The following IGF1R variants were observed in gnomAD, a reference collection of about 807,000 sequenced individuals.
IGF1R encodes insulin-like growth factor 1 receptor.
In IGF1R, 44 loss-of-function variants were observed where a neutral mutation model predicts 144.6. That is an observed-to-expected ratio of 0.30 (90% CI 0.24 to 0.39). The LOEUF (loss-of-function observed/expected upper bound fraction) is 0.39, where lower values mean the gene tolerates loss of function less well. Ranked by LOEUF, IGF1R falls within the 10% of genes least tolerant of loss-of-function variation. The pLI, the probability that IGF1R is intolerant of heterozygous loss-of-function variation, is 1.00. For missense variants in IGF1R, 1,355 were observed against 1,833.7 expected (o/e 0.74, Z 4.77); for synonymous variants, 795 against 722.8 (o/e 1.10, Z -1.60).
At chr15:98,940,566 G>T (rs2016325863) in intron 18 of IGF1R, among the ~76,000 whole-genome samples, 1 of 152,124 alleles carries the variant, frequency 6.6e-6, no homozygotes, top group Admixed American at 6.5e-5. Context: ...ACCACACCCA[G>T]CTGATTTTTT....
At chr15:98,916,949 C>T in intron 10 of IGF1R, 73 bp downstream of exon 10, 1 of 1,313,944 alleles carries the variant, frequency 7.6e-7, no homozygotes, top group Non-Finnish European at 1.1e-6. Flanking sequence ...TTCTCCCCAC[C>T]AGGTAGTGTG....
intron 2 of IGF1R, among the ~76,000 whole-genome samples, chr15:98,770,241 G>T (rs1434243700): frequency 6.6e-6 from 1 of 152,164 alleles, no homozygotes; most frequent in African/African-American, 2.4e-5. Flanking sequence ...TTAGAGGAAG[G>T]CAAAAACAGA....
intron 2 of IGF1R, among the ~76,000 whole-genome samples, chr15:98,736,478 C>T (rs1471836413): frequency 6.6e-6 from 1 of 152,090 alleles, no homozygotes; most frequent in Admixed American, 6.5e-5. Context: ...GCATTAGATG[C>T]TGTCTGTTTA....
At chr15:98,798,268 T>G (rs1056882490) in intron 2 of IGF1R, among the ~76,000 whole-genome samples, 1 of 151,888 alleles carries the variant, frequency 6.6e-6, no homozygotes, top group Non-Finnish European at 1.5e-5. Context: ...AGAGAAGGTC[T>G]CTAGAGAGGT....
intron 2 of IGF1R, among the ~76,000 whole-genome samples, chr15:98,814,259 C>T (rs1401006424): frequency 1.3e-5 from 2 of 152,124 alleles, no homozygotes; most frequent in African/African-American, 4.8e-5. Flanking sequence ...AATGATACAT[C>T]ACTTTGGAGC....
rs1001350304 is a variant in IGF1R at position 98,964,394 on chromosome 15, T to G, written c.*6952T>G. ...TTATTCCTGTTATTGCGATATACTC[T>G]GGATTCTTTACATAATGGAAAAAAG... On this transcript the variant is annotated 3_prime_UTR_variant, in exon 21 of 21. Transcript: ENST00000650285. 8 of 230,462 alleles carry G rather than the reference T, an allele frequency of 3.5e-5. No individual in the cohort carries two copies. Among genetic ancestry groups the G allele is most frequent in the Non-Finnish European group, 6.9e-5 (8 of 116,176 alleles). 14.3% of individuals were successfully genotyped at this position (230,462 alleles called of 1,614,324 possible).
At position 98,902,285 on chromosome 15, in the gene IGF1R, A is replaced by AT. The variant is rs369585879; in HGVS notation, c.1247+2667dup. On this transcript the variant is annotated intron_variant, in intron 5 of 20. Transcript: ENST00000650285. ...TTGGAAACCACTGCTTTATCCCTTC[A>AT]TTTCTTCCCATGTGCATATCACAAA... Among the ~76,000 whole-genome samples the AT allele has an allele frequency of 3.9e-3, 585 of 151,368 alleles. 4 individuals are homozygous for AT. Among genetic ancestry groups the AT allele is most frequent in the African/African-American group, 0.013 (527 of 41,218 alleles).
chr15:98,656,582 C>T (rs1193784822), intron 1 of IGF1R, among the ~76,000 whole-genome samples: 2 of 151,196 alleles, frequency 1.3e-5, no homozygotes, highest in Non-Finnish European at 2.9e-5. Flanking sequence ...ATAAATTGCT[C>T]ACCTGGTAAT....
chr15:98,745,701 G>A (rs541364077), intron 2 of IGF1R, among the ~76,000 whole-genome samples: 3 of 152,274 alleles, frequency 2.0e-5, no homozygotes, highest in South Asian at 2.1e-4. Context: ...AGAAACTTCC[G>A]TTTTCTCTTT....
intron 2 of IGF1R, among the ~76,000 whole-genome samples, chr15:98,865,218 G>A (rs776924975): frequency 9.2e-5 from 14 of 152,182 alleles, no homozygotes; most frequent in Admixed American, 3.3e-4. Flanking sequence ...GGGTTATTTT[G>A]TGTTTGCAGT....
In IGF1R at chr15:98,922,437, G is replaced by T; in HGVS notation, c.2485+6G>T. 1.2e-6 allele frequency: 2 copies of T among 1,607,322 alleles called. No homozygotes were observed. On this transcript the variant is annotated splice_donor_region_variant and intron_variant, in intron 11 of 20. Coordinates refer to ENST00000650285, the MANE Select transcript of IGF1R (RefSeq NM_000875.5). ...TGCAAGGACTATGCCCGCAGGTATG[G>T]TATGATCCAGCTGGCCCCATTGCCA... is the stretch of plus-strand genomic sequence containing the variant.
intron 2 of IGF1R, among the ~76,000 whole-genome samples, chr15:98,758,979 C>G (rs899699581): frequency 2.0e-5 from 3 of 152,292 alleles, no homozygotes; most frequent in Admixed American, 2.0e-4. Context: ...CTGGATTGCC[C>G]TCAACTATAA....
At chr15:98,900,185 G>A (rs1460490174) in intron 5 of IGF1R, among the ~76,000 whole-genome samples, 1 of 152,236 alleles carries the variant, frequency 6.6e-6, no homozygotes, top group Admixed American at 6.5e-5. Flanking sequence ...GGCCTGCTTT[G>A]TGATAGGGGT....
At chr15:98,943,342 T>C (rs1323486813) in intron 19 of IGF1R, among the ~76,000 whole-genome samples, 1 of 152,234 alleles carries the variant, frequency 6.6e-6, no homozygotes, top group Middle Eastern at 3.2e-3. Context: ...CCAGAAGCCG[T>C]CACCTCTTTT....
At chr15:98,811,488 C>G (rs1230275638) in intron 2 of IGF1R, among the ~76,000 whole-genome samples, 1 of 150,358 alleles carries the variant, frequency 6.7e-6, no homozygotes, top group Non-Finnish European at 1.5e-5. Flanking sequence ...CGAGATCACG[C>G]CACTGCACTC....
chr15:98,916,516 C>A (rs2015256923), intron 9 of IGF1R, 156 bp from the exon 10 acceptor site: 4 of 740,412 alleles, frequency 5.4e-6, no homozygotes, highest in Non-Finnish European at 9.5e-6. Context: ...CCCGCCTCGG[C>A]CTCCCAAAGT....
chr15:98,664,923 C>T (rs2052693618), intron 1 of IGF1R, among the ~76,000 whole-genome samples: 2 of 148,978 alleles, frequency 1.3e-5, no homozygotes, highest in Non-Finnish European at 3.0e-5. Context: ...CTACATTTGC[C>T]GTTTTTTTTT....
chr15:98,748,258 C>T (rs2054917733), intron 2 of IGF1R, among the ~76,000 whole-genome samples: 1 of 152,174 alleles, frequency 6.6e-6, no homozygotes, highest in Non-Finnish European at 1.5e-5. Context: ...CCTCAAACAC[C>T]TGGGTTCAAG....
intron 2 of IGF1R, among the ~76,000 whole-genome samples, chr15:98,837,393 C>T (rs2011106956): frequency 6.6e-6 from 1 of 152,168 alleles, no homozygotes; most frequent in Non-Finnish European, 1.5e-5. Context: ...AGGCAGGCAC[C>T]ACCACACCCA....
Sources: gnomAD v4.1 joint callset for allele counts (sites outside exome capture counted in the v4.1 genomes callset) on GRCh38, gnomAD v4.1.1 for gene constraint, MANE v1.5 for transcripts, NCBI Gene and HGNC (gene_info 2026-07-23, HGNC 2026-07-21) for gene names.